The following ATG9B variants were observed in gnomAD, a reference collection of about 807,000 sequenced individuals.
ATG9B encodes the protein autophagy-related protein 9B.
ATG9B carries 92 observed loss-of-function variants against 92.9 expected under a neutral mutation model. The ratio of observed to expected loss-of-function variants is 0.99; its 90% CI spans 0.84 to 1.18. ATG9B has a LOEUF of 1.18. ATG9B is among the 50% of genes most tolerant of loss of function. The probability of loss-of-function intolerance (pLI) is 0.00; values close to 1 mark genes in which losing one functional copy is unlikely to be tolerated. For missense variants in ATG9B, 1,344 were observed against 1,235.0 expected, an observed-to-expected ratio of 1.09 and a Z score of -1.32; for synonymous variants, 599 against 551.4, an observed-to-expected ratio of 1.09 and a Z score of -1.21.
At chr7:151,021,019 G>C (rs940426561) in intron 5 of ATG9B, 169 bp downstream of exon 5, 1 of 749,540 alleles carries the variant, frequency 1.3e-6, no homozygotes, top group Non-Finnish European at 2.2e-6. Context: ...TCTAGGTGGT[G>C]GTAGCCCCCT....
At position 151,018,717 on chromosome 7, in the gene ATG9B, C is replaced by T. The variant is rs1179645533; in HGVS notation, c.1621G>A (p.Ala541Thr). Residue 541 changes from alanine (A) to threonine (T), a missense_variant, in exon 6 of 14, where the codon GCG becomes ACG. Physicochemically the swap from Ala to Thr is moderately conservative, Grantham distance 58. Coordinates refer to ENST00000639579, the MANE Select transcript of ATG9B (RefSeq NM_001317056.2). The surrounding 1 kb of genome is among the most constrained non-coding windows in gnomAD (Gnocchi z 4.7). Reference protein sequence around the residue: ...LVFFAGALFAALLVLTVYDED... With the variant: ...LVFFAGALFATLLVLTVYDED... ...TCGTAGACGGTGAGCACAAGCAGCG[C>T]GGCGAAGAGTGCACCCGCGAAGAAA... 1 of 1,596,524 alleles carries T rather than the reference C, an allele frequency of 6.3e-7. No individual in the cohort carries two copies. The highest frequency in any genetic ancestry group is 1.7e-5 in the Admixed American group (1 of 58,518).
At chr7:151,019,641 TCATGCACTTCCTGGGGACGCCTC>T (rs1307034668) in intron 5 of ATG9B, among the ~76,000 whole-genome samples, 1 of 152,224 alleles carries the variant, frequency 6.6e-6, no homozygotes, top group Non-Finnish European at 1.5e-5. Context: ...TGGCCAGTAG[TCATGCACTTCCTGGGGACGCCTC>T]CAGGTGCTGG....
chr7:151,017,414 G>T, intron 8 of ATG9B, 142 bp from the exon 9 acceptor site: 2 of 818,660 alleles, frequency 2.4e-6, no homozygotes, highest in South Asian at 3.6e-5. Context: ...AAATACAGCA[G>T]CAGTGCAGAA....
At chr7:151,016,909 G>T in intron 9 of ATG9B, 88 bp from the exon 10 acceptor site, 3 of 1,525,858 alleles carry the variant, frequency 2.0e-6, no homozygotes, top group Non-Finnish European at 1.8e-6. Flanking sequence ...CCTAAAGAAG[G>T]CAGGAGAGCA....
intron 4 of ATG9B, among the ~76,000 whole-genome samples, chr7:151,022,230 CAG>C (rs775871650): frequency 6.7e-6 from 1 of 148,314 alleles, no homozygotes; most frequent in Non-Finnish European, 1.5e-5. Context: ...CTGCAGTGAT[CAG>C]AGACAGTCAC....
chr7:151,015,296 C>A lies in ATG9B; in HGVS notation c.*432G>T. The A allele has an allele frequency of 6.6e-6, 1 of 152,424 alleles. No homozygotes were observed. Among genetic ancestry groups the A allele is most frequent in the Non-Finnish European group, 1.5e-5 (1 of 68,186 alleles). 9.4% of individuals were successfully genotyped at this position (152,424 alleles called of 1,614,324 possible). A position where few individuals can be genotyped will look rare whatever the true frequency, so the allele number is the denominator to read the frequency against. ...GACAAGTCCCCATCCCCTACAAGCCCCAAGGAACCTGAAAGTGCTGCTGGC... is the reference window on the plus strand; with the variant it reads ...GACAAGTCCCCATCCCCTACAAGCCACAAGGAACCTGAAAGTGCTGCTGGC... On this transcript the variant is annotated 3_prime_UTR_variant, in exon 14 of 14. Coordinates refer to ENST00000639579, the MANE Select transcript of ATG9B (RefSeq NM_001317056.2).
Position 151,024,463 on chromosome 7 carries a change from C to T in ATG9B, c.-40G>A. ...TCCAGAAAGGTTGGAAGGATGGGAG[C>T]TGTTGTTGCTTCCACAAAGGTCTGT... is the stretch of plus-strand genomic sequence containing the variant. On this transcript the variant is annotated 5_prime_UTR_variant, in exon 1 of 14. Transcript: ENST00000639579. The T allele has an allele frequency of 2.3e-6, 3 of 1,289,668 alleles. No homozygotes were observed. The highest frequency in any genetic ancestry group is 3.0e-6 in the Non-Finnish European group (3 of 1,009,322). The allele number at this position is 1,289,668 out of a possible 1,614,324, so 79.9% of individuals were successfully genotyped here.
rs1795605885 is a variant in ATG9B at position 151,018,501 on chromosome 7, T to C, written c.1719-54A>G. 2 of 1,512,790 alleles carry C rather than the reference T, an allele frequency of 1.3e-6. No individual in the cohort carries two copies. Among genetic ancestry groups the C allele is most frequent in the South Asian group, 2.6e-5 (2 of 77,022 alleles). The allele number at this position is 1,512,790 out of a possible 1,614,324, so 93.7% of individuals were successfully genotyped here. The stretch of plus-strand genomic sequence containing the variant: ...GGCCTGCGATTAGGAGGACGCGCGG[T>C]GGGATGTAGGGCTAGAGGGCCCCAG... On this transcript the variant is annotated intron_variant, in intron 6 of 13. Coordinates refer to ENST00000639579, the MANE Select transcript of ATG9B (RefSeq NM_001317056.2). This position sits in a 1 kb window ranked among gnomAD's most constrained non-coding sequence, Gnocchi z 4.7.
chr7:151,015,189 C>G lies in ATG9B; in HGVS notation c.*539G>C, dbSNP rs1795429250. 6.6e-6 allele frequency: 1 copy of G among 152,224 alleles called. No individual in the cohort carries two copies. The highest frequency in any genetic ancestry group is 1.5e-5 in the Non-Finnish European group (1 of 68,064). 9.4% of individuals were successfully genotyped at this position (152,224 alleles called of 1,614,324 possible). On this transcript the variant is annotated 3_prime_UTR_variant, in exon 14 of 14. Coordinates refer to ENST00000639579, the MANE Select transcript of ATG9B (RefSeq NM_001317056.2). ...AGCAAGCTTTACTGCTTATTTCATA[C>G]AGGATGGGGAGCCACACCCACTTCC...
chr7:151,020,960 T>C (rs1287589212), intron 5 of ATG9B: 1 of 493,742 alleles, frequency 2.0e-6, no homozygotes, highest in East Asian at 3.6e-5. Flanking sequence ...TGTCATCTTA[T>C]ATGAGCCATC....
At chr7:151,020,517 C>T (rs1795708232) in intron 5 of ATG9B, among the ~76,000 whole-genome samples, 1 of 152,236 alleles carries the variant, frequency 6.6e-6, no homozygotes, top group Admixed American at 6.5e-5. Context: ...CCCCTTGCTG[C>T]ACATAAAGGC....
intron 4 of ATG9B, 40 bp downstream of exon 4, chr7:151,023,005 C>G: frequency 6.2e-7 from 1 of 1,613,388 alleles, no homozygotes; most frequent in African/African-American, 1.3e-5. Context: ...TACCCACTGC[C>G]CATGCTTCAC....
At chr7:151,012,607 C>A, downstream of ATG9B, 4 of 1,109,862 alleles carry the variant, frequency 3.6e-6, no homozygotes, top group Non-Finnish European at 5.0e-6. Context: ...GCTCATGAGA[C>A]CAAGGGGAGG....
downstream of ATG9B, chr7:151,013,907 G>A (rs1246261875): frequency 7.5e-6 from 12 of 1,599,674 alleles, no homozygotes. Flanking sequence ...CGACGTCATC[G>A]GCGTGCTGCG....
In ATG9B at chr7:151,015,802, C is replaced by T. The variant is rs546723276; in HGVS notation, c.*14+80G>A. 30 of 1,474,270 alleles carry T rather than the reference C, an allele frequency of 2.0e-5. No homozygotes were observed. The South Asian group carries it at 3.9e-4, about 19-fold the overall frequency. The allele number at this position is 1,474,270 out of a possible 1,614,324, so 91.3% of individuals were successfully genotyped here. ...CCATCACCCCAAATTCCCACCACTG[C>T]TCCCATCGCTTCAAGTCGGACTCCA... is the stretch of plus-strand genomic sequence containing the variant. On this transcript the variant is annotated intron_variant, in intron 13 of 13. Transcript: ENST00000639579.
At chr7:151,023,842 T>TA in intron 1 of ATG9B, 32 bp downstream of exon 1, 3 of 1,610,072 alleles carry the variant, frequency 1.9e-6, no homozygotes, top group Non-Finnish European at 2.5e-6. Flanking sequence ...CAGGCACCAC[T>TA]AACCCTCTCC....
At position 151,024,050 on chromosome 7, in the gene ATG9B, G is replaced by A. The variant is rs749784735; in HGVS notation, c.374C>T (p.Ala125Val). 1.9e-6 allele frequency: 3 copies of A among 1,588,596 alleles called. No homozygotes were observed. Among genetic ancestry groups the A allele is most frequent in the Non-Finnish European group, 1.7e-6 (2 of 1,167,648 alleles). ...GCACTGCTGTGAGGGAGTGGGGGTTGCCGGGGCCAGGGGTGGGGTGGAGTG... is the reference window on the plus strand; with the variant it reads ...GCACTGCTGTGAGGGAGTGGGGGTTACCGGGGCCAGGGGTGGGGTGGAGTG... Reference protein sequence around the residue: ...GSHSTPPLAPATPTPSQQCPQ... With the variant: ...GSHSTPPLAPVTPTPSQQCPQ... The change falls in exon 1 of 14, where the codon GCA becomes GTA. Residue 125 changes from alanine to valine, a missense_variant. By Grantham distance (64) the Ala-to-Val change is moderately conservative (BLOSUM62 0). Transcript: ENST00000639579.
chr7:151,019,121 C>T lies in ATG9B; in HGVS notation c.1217G>A (p.Arg406His). Residue 406 changes from arginine to histidine, a missense_variant, in exon 6 of 14, where the codon CGC becomes CAC. Transcript: ENST00000639579. ...LALNVDLLLF[R>H]GPFSLFRGGW... ...CCCGCGGAAGAGCGAGAAGGGACCG[C>T]GGAAGAGCAGCAGGTCGACATTGAG... 1.3e-6 allele frequency: 2 copies of T among 1,535,892 alleles called. No individual in the cohort carries two copies. The highest frequency in any genetic ancestry group is 2.4e-5 in the South Asian group (2 of 84,064).
At chr7:151,022,569 C>T (rs1795791460) in intron 4 of ATG9B, among the ~76,000 whole-genome samples, 1 of 151,832 alleles carries the variant, frequency 6.6e-6, no homozygotes, top group Non-Finnish European at 1.5e-5. Context: ...ACTTAAAAGG[C>T]CGGGCACAGT....
Sources: allele counts gnomAD v4.1 joint callset (sites outside exome capture counted in the v4.1 genomes callset), GRCh38; gene constraint gnomAD v4.1.1; non-coding constraint Gnocchi (gnomAD v3.1); transcripts MANE v1.5; gene names NCBI Gene and HGNC (gene_info 2026-07-23, HGNC 2026-07-21).